The following SLC7A14 variants were observed in gnomAD, a reference collection of about 807,000 sequenced individuals.
The protein encoded by SLC7A14 is solute carrier family 7 member 14, also known as gamma-aminobutyric acid transporter SLC7A14.
A neutral mutation model predicts 60.2 loss-of-function variants in SLC7A14; 37 were observed. The observed-to-expected ratio is 0.61, with a 90% confidence interval of 0.47 to 0.81. The LOEUF is 0.81. SLC7A14 is among the 30% of genes least tolerant of loss of function. The pLI is 0.00. For missense variants in SLC7A14, 886 were observed against 982.7 expected (o/e 0.90, Z 1.32); for synonymous variants, 399 against 395.8 (o/e 1.01, Z -0.10).
intron 5 of SLC7A14, among the ~76,000 whole-genome samples, chr3:170,484,482 T>C (rs1305933193): frequency 1.3e-5 from 2 of 152,188 alleles, no homozygotes; most frequent in African/African-American, 2.4e-5. Context: ...CCTTCAGAAT[T>C]GGCCATAGGC....
At chr3:170,496,320 G>T in intron 4 of SLC7A14, 1 of 1,046,256 alleles carries the variant, frequency 9.6e-7, no homozygotes, top group Admixed American at 1.7e-5. Context: ...TGGCAAGCAC[G>T]GGGATGACCT....
At chr3:170,519,578 C>G (rs377499555) in intron 2 of SLC7A14, among the ~76,000 whole-genome samples, 4 of 152,194 alleles carry the variant, frequency 2.6e-5, no homozygotes, top group African/African-American at 9.6e-5. Flanking sequence ...GAGTTTCAGA[C>G]CAGCCTGGCC....
intron 4 of SLC7A14, among the ~76,000 whole-genome samples, chr3:170,492,300 T>C (rs575782473): frequency 6.6e-6 from 1 of 152,346 alleles, no homozygotes; most frequent in East Asian, 1.9e-4. Flanking sequence ...ATTGGTATGT[T>C]ATCCTAACTC....
rs886240970 is a variant in SLC7A14, at chr3:170,540,239, C to T, written c.-152-13151G>A. On this transcript the variant is annotated intron_variant, in intron 1 of 7. Transcript: ENST00000231706. ...TATTTTTGGACCTCAGATGACCATG[C>T]GTAACTGAAACCATGGAAAGCAACA... 5.3e-5 allele frequency among the ~76,000 whole-genome samples: 8 copies of T among 152,138 alleles called. No individual in the cohort carries two copies. The East Asian group carries it at 1.5e-3, about 29-fold the overall frequency.
At chr3:170,567,912 T>A (rs1472860748) in intron 1 of SLC7A14, among the ~76,000 whole-genome samples, 2 of 152,020 alleles carry the variant, frequency 1.3e-5, no homozygotes, top group African/African-American at 4.8e-5. Context: ...ATATTAGCCC[T>A]TTGTCAGATG....
intron 1 of SLC7A14, among the ~76,000 whole-genome samples, chr3:170,552,852 G>A (rs1714387876): frequency 6.6e-6 from 1 of 152,168 alleles, no homozygotes; most frequent in East Asian, 1.9e-4. Context: ...TCTGTAATAT[G>A]AAGTTCAAAC....
At chr3:170,561,250 A>C (rs1468479144) in intron 1 of SLC7A14, among the ~76,000 whole-genome samples, 1 of 152,222 alleles carries the variant, frequency 6.6e-6, no homozygotes, top group African/African-American at 2.4e-5. Context: ...CTTCAGGATT[A>C]ATACAGAGCC....
chr3:170,547,596 A>G (rs1307955802), intron 1 of SLC7A14, among the ~76,000 whole-genome samples: 1 of 152,178 alleles, frequency 6.6e-6, no homozygotes, highest in Non-Finnish European at 1.5e-5. Flanking sequence ...AAATATTTTC[A>G]TCTTCATAGT....
chr3:170,554,343 C>A (rs1714431209), intron 1 of SLC7A14, among the ~76,000 whole-genome samples: 1 of 152,202 alleles, frequency 6.6e-6, no homozygotes, highest in African/African-American at 2.4e-5. Flanking sequence ...CTCCTGGCTT[C>A]TTAAGCTAAG....
chr3:170,542,722 C>T (rs532491280), intron 1 of SLC7A14, among the ~76,000 whole-genome samples: 1 of 152,324 alleles, frequency 6.6e-6, no homozygotes, highest in South Asian at 2.1e-4. Context: ...GACCTCATAT[C>T]ATTCTTTTAG....
chr3:170,562,316 G>C (rs1302921625), intron 1 of SLC7A14, among the ~76,000 whole-genome samples: 1 of 152,180 alleles, frequency 6.6e-6, no homozygotes, highest in African/African-American at 2.4e-5. Context: ...CAGCCATAAA[G>C]AAGAATGAAT....
At chr3:170,495,761 C>A in intron 4 of SLC7A14, 1 of 1,182,916 alleles carries the variant, frequency 8.5e-7, no homozygotes, top group Non-Finnish European at 1.3e-6. Flanking sequence ...CCTTCATCGA[C>A]AAGGTACGGT....
Position 170,481,079 on chromosome 3 carries a change from C to T in SLC7A14, c.1203G>A (p.Leu401=). The T allele has an allele frequency of 6.2e-7, 1 of 1,614,132 alleles. No individual in the cohort carries two copies. Reference sequence around the variant, plus strand: ...TCTCTATCAGGTCTCTCAAGCTGACCAACAGTGCGAGGAGCGCTGCCAGGA... The same window carrying T: ...TCTCTATCAGGTCTCTCAAGCTGACTAACAGTGCGAGGAGCGCTGCCAGGA... ...SGFLAALLAL[L]VSLRDLIEMM... Residue 401 remains leucine, a synonymous_variant, in exon 7 of 8, where the codon TTG becomes TTA. Coordinates refer to ENST00000231706, the MANE Select transcript of SLC7A14 (RefSeq NM_020949.3).
intron 2 of SLC7A14, among the ~76,000 whole-genome samples, chr3:170,509,516 A>G (rs573142757): frequency 1.3e-5 from 2 of 152,348 alleles, no homozygotes; most frequent in African/African-American, 4.8e-5. Flanking sequence ...TGTTGATTAA[A>G]TGTAACCAAC....
chr3:170,466,172 A>G lies in SLC7A14; in HGVS notation c.*883T>C, dbSNP rs1739718335. 1 of 152,230 alleles carries G rather than the reference A, an allele frequency of 6.6e-6. No homozygotes were observed. Among genetic ancestry groups the G allele is most frequent in the African/African-American group, 2.4e-5 (1 of 41,460 alleles). 9.4% of individuals were successfully genotyped at this position (152,230 alleles called of 1,614,324 possible). On this transcript the variant is annotated 3_prime_UTR_variant, in exon 8 of 8. Transcript: ENST00000231706. ...CAGTGGCTGGCTCACTTCTCCTTGT[A>G]AAAATTTTTATCTGATTATAAAACA...
At chr3:170,536,784 A>AT (rs1713854863) in intron 1 of SLC7A14, among the ~76,000 whole-genome samples, 1 of 152,246 alleles carries the variant, frequency 6.6e-6, no homozygotes, top group Non-Finnish European at 1.5e-5. Flanking sequence ...TGAGAGATGC[A>AT]TAAGGTGGCT....
At chr3:170,516,040 C>A (rs1713146939) in intron 2 of SLC7A14, among the ~76,000 whole-genome samples, 1 of 152,186 alleles carries the variant, frequency 6.6e-6, no homozygotes, top group South Asian at 2.1e-4. Context: ...GTCCACACTA[C>A]TAGGTGCTGC....
At chr3:170,507,100 T>C (rs745348131) in intron 2 of SLC7A14, among the ~76,000 whole-genome samples, 1 of 152,224 alleles carries the variant, frequency 6.6e-6, no homozygotes, top group Non-Finnish European at 1.5e-5. Context: ...GAATGCCAAT[T>C]ACTCTACCCA....
intron 4 of SLC7A14, among the ~76,000 whole-genome samples, chr3:170,487,862 A>T (rs1253795643): frequency 1.3e-5 from 2 of 152,236 alleles, no homozygotes; most frequent in Non-Finnish European, 2.9e-5. Flanking sequence ...TCTTTCAGTT[A>T]TGAATGTAGG....
Sources: allele counts gnomAD v4.1 joint callset (sites outside exome capture counted in the v4.1 genomes callset), GRCh38; gene constraint gnomAD v4.1.1; transcripts MANE v1.5; gene names NCBI Gene and HGNC (gene_info 2026-07-23, HGNC 2026-07-21).